Variants in SERINC5 observed in about 807,000 individuals in gnomAD.
SERINC5 encodes serine incorporator 5, also known as chromosome 5 open reading frame 12.
SERINC5 carries 41 observed loss-of-function variants against 63.1 expected under a neutral mutation model. The ratio of observed to expected loss-of-function variants is 0.65; its 90% CI spans 0.51 to 0.84. SERINC5 has a LOEUF of 0.84. SERINC5 is among the 40% of genes least tolerant of loss of function. SERINC5 has a pLI of 0.00. For synonymous variants in SERINC5, 222 were observed against 215.2 expected (o/e 1.03, Z -0.28); for missense variants, 523 against 573.0 (o/e 0.91, Z 0.89).
chr5:80,170,122 A>G (rs1234197094), intron 5 of SERINC5, among the ~76,000 whole-genome samples: 1 of 152,152 alleles, frequency 6.6e-6, no homozygotes, highest in African/African-American at 2.4e-5. Flanking sequence ...AAAGGGAGTA[A>G]AGGAAGAGTT....
At chr5:80,241,712 TAATA>T (rs1300671990) in intron 1 of SERINC5, among the ~76,000 whole-genome samples, 1 of 151,108 alleles carries the variant, frequency 6.6e-6, no homozygotes, top group Non-Finnish European at 1.5e-5. Context: ...AAAAAATAAT[TAATA>T]GGAATAAAAA....
At chr5:80,232,101 TAAAAAAAA>T (rs34890012) in intron 1 of SERINC5, among the ~76,000 whole-genome samples, 1 of 119,482 alleles carries the variant, frequency 8.4e-6, no homozygotes, top group South Asian at 2.9e-4. Flanking sequence ...GATTCTGTCT[TAAAAAAAA>T]AAAAAAAAAA....
rs754706451 is a variant in SERINC5, at chr5:80,146,118, C to T, written c.1210G>A (p.Val404Met). 18 of 1,613,922 alleles carry T rather than the reference C, an allele frequency of 1.1e-5. No individual in the cohort carries two copies. Among genetic ancestry groups the T allele is most frequent in the Non-Finnish European group, 8.5e-7 (1 of 1,179,896 alleles). ...AACCAGTTGGTGACGGTCATCATCA[C>T]ATACAGGGAAGCTAGGAAGAACACG... ...HFVFFLASLYVMMTVTNWFNY... is the reference protein window; with the variant it reads ...HFVFFLASLYMMMTVTNWFNY... The change falls in exon 11 of 12, where the codon GTG (valine) becomes ATG (methionine). Residue 404 changes from valine (V) to methionine (M), a missense_variant. Val to Met is a conservative substitution (Grantham distance 21, BLOSUM62 1). Coordinates refer to ENST00000507668, the MANE Select transcript of SERINC5 (RefSeq NM_001174072.3).
intron 1 of SERINC5, among the ~76,000 whole-genome samples, chr5:80,239,907 G>A (rs901930153): frequency 2.6e-5 from 4 of 152,054 alleles, no homozygotes; most frequent in Non-Finnish European, 5.9e-5. Context: ...CCCTTCCAGC[G>A]CCAATTTTCT....
At position 80,181,416 on chromosome 5, in the gene SERINC5, T is replaced by TGTGTGTG. The variant is rs1580124918; in HGVS notation, c.196-3353_196-3352insCACACAC. On this transcript the variant is annotated intron_variant, in intron 2 of 11. Coordinates refer to ENST00000507668, the MANE Select transcript of SERINC5 (RefSeq NM_001174072.3). ...CATGCACCACCAAGCTCAGCTAATT[T>TGTGTGTG]TGTGTGTGTGTGTGTGTGTGTGTGT... 1.4e-4 allele frequency among the ~76,000 whole-genome samples: 21 copies of TGTGTGTG among 145,446 alleles called. 1 individual carries two copies. In the East Asian group the frequency reaches 2.3e-3, roughly 16 times the overall value.
At chr5:80,175,081 C>A (rs757967878) in intron 4 of SERINC5, 34 bp from the exon 5 acceptor site, 23 of 1,445,152 alleles carry the variant, frequency 1.6e-5, no homozygotes, top group Admixed American at 8.4e-5. Flanking sequence ...AATGAGGCAA[C>A]CTTTCGTTGT....
At chr5:80,232,001 C>T (rs1000889044) in intron 1 of SERINC5, among the ~76,000 whole-genome samples, 5 of 150,568 alleles carry the variant, frequency 3.3e-5, no homozygotes, top group African/African-American at 1.2e-4. Flanking sequence ...ACATGAGAGG[C>T]TGAGGCAGGA....
chr5:80,178,170 T>C, intron 2 of SERINC5, 106 bp from the exon 3 acceptor site: 1 of 630,808 alleles, frequency 1.6e-6, no homozygotes. Flanking sequence ...AAATGGATCG[T>C]GTGCATAAAG....
intron 7 of SERINC5, among the ~76,000 whole-genome samples, chr5:80,165,831 C>A (rs1423945802): frequency 6.6e-6 from 1 of 152,162 alleles, no homozygotes; most frequent in Non-Finnish European, 1.5e-5. Flanking sequence ...CCTGTCTGTC[C>A]TACACACCAG....
intron 11 of SERINC5, among the ~76,000 whole-genome samples, chr5:80,118,812 C>T (rs1744435065): frequency 6.6e-6 from 1 of 151,150 alleles, no homozygotes; most frequent in African/African-American, 2.4e-5. Flanking sequence ...ATCCACCCAC[C>T]TCGGCCTCCC....
intron 11 of SERINC5, among the ~76,000 whole-genome samples, chr5:80,132,416 T>C (rs192965417): frequency 1.4e-4 from 22 of 152,300 alleles, no homozygotes; most frequent in Middle Eastern, 6.8e-3. Flanking sequence ...TGTTAACTAA[T>C]GGTATTTCTA....
chr5:80,168,247 T>C (rs1023264826), intron 6 of SERINC5, among the ~76,000 whole-genome samples: 2 of 151,708 alleles, frequency 1.3e-5, no homozygotes, highest in Non-Finnish European at 2.9e-5. Context: ...CAGGCTGGAG[T>C]GCAGTGGTGG....
rs760222627 is a variant in SERINC5 at position 80,150,961 on chromosome 5, C to A, written c.987-13G>T. 18 of 1,607,004 alleles carry A rather than the reference C, an allele frequency of 1.1e-5. No homozygotes were observed. Among genetic ancestry groups the A allele is most frequent in the Non-Finnish European group, 1.5e-5 (18 of 1,173,648 alleles). The stretch of plus-strand genomic sequence containing the variant: ...TGTTGATGTCAAACTAAGAAACAGA[C>A]AAAAACGTCAGCTGGGCATATTAAC... On this transcript the variant is annotated splice_polypyrimidine_tract_variant and intron_variant, in intron 8 of 11. Transcript: ENST00000507668.
At chr5:80,216,686 A>T (rs1313869117) in intron 1 of SERINC5, among the ~76,000 whole-genome samples, 12 of 151,836 alleles carry the variant, frequency 7.9e-5, no homozygotes, top group Non-Finnish European at 2.9e-5. Flanking sequence ...AGAAAACAAA[A>T]GTACCCATTG....
chr5:80,113,161 G>C (rs564455942), intron 12 of SERINC5, among the ~76,000 whole-genome samples: 11 of 152,200 alleles, frequency 7.2e-5, no homozygotes, highest in African/African-American at 2.6e-4. Flanking sequence ...TAGGTTTCCA[G>C]GATTGGGATA....
chr5:80,228,348 G>A (rs1257342511), intron 1 of SERINC5, among the ~76,000 whole-genome samples: 1 of 151,730 alleles, frequency 6.6e-6, no homozygotes, highest in South Asian at 2.1e-4. Context: ...AAAATGTATA[G>A]ACACTCAGCA....
intron 5 of SERINC5, among the ~76,000 whole-genome samples, chr5:80,172,156 C>G (rs1039540652): frequency 7.9e-5 from 12 of 152,062 alleles, no homozygotes; most frequent in Non-Finnish European, 1.2e-4. Flanking sequence ...ATGGCGAAAC[C>G]CCATCTCTAC....
intron 11 of SERINC5, among the ~76,000 whole-genome samples, chr5:80,131,470 T>C (rs1744946246): frequency 1.3e-5 from 2 of 152,182 alleles, no homozygotes; most frequent in Admixed American, 1.3e-4. Flanking sequence ...GGCCAAGTGC[T>C]ATCCAAGGGA....
intron 1 of SERINC5, 192 bp from the exon 2 acceptor site, chr5:80,203,245 A>AAT: frequency 2.1e-6 from 1 of 468,234 alleles, no homozygotes; most frequent in Non-Finnish European, 4.0e-6. Context: ...TCTCTAAATA[A>AAT]ATATATATAC....
Sources: gnomAD v4.1 joint callset for allele counts (sites outside exome capture counted in the v4.1 genomes callset) on GRCh38, gnomAD v4.1.1 for gene constraint, MANE v1.5 for transcripts, NCBI Gene and HGNC (gene_info 2026-07-23, HGNC 2026-07-21) for gene names.